Variants in JAKMIP1 observed in about 807,000 individuals in gnomAD.
JAKMIP1 encodes the protein janus kinase and microtubule-interacting protein 1.
JAKMIP1 carries 33 observed loss-of-function variants against 113.0 expected under a neutral mutation model. The observed-to-expected ratio is 0.29, with a 90% CI of 0.22 to 0.39. The LOEUF (loss-of-function observed/expected upper bound fraction) is 0.39. Ranked by LOEUF, JAKMIP1 falls within the 10% of genes least tolerant of loss-of-function variation. The pLI is 1.00. For missense variants in JAKMIP1, 813 were observed against 1,080.5 expected (o/e 0.75, Z 3.47); for synonymous variants, 480 against 459.9 (o/e 1.04, Z -0.56).
chr4:6,069,791 A>G lies in JAKMIP1; in HGVS notation c.1303-4783T>C, dbSNP rs1382248905. Among the ~76,000 whole-genome samples, 1 of 151,962 alleles carries G rather than the reference A, an allele frequency of 6.6e-6. No individual in the cohort carries two copies. The highest frequency in any genetic ancestry group is 1.5e-5 in the Non-Finnish European group (1 of 68,014). ...AAAAGATTCAGTTTTGGCAAAATGA[A>G]TGAAGAGTAAACATGTCTCCTCCAT... On this transcript the variant is annotated intron_variant, in intron 8 of 20. Coordinates refer to ENST00000409021, the MANE Select transcript of JAKMIP1 (RefSeq NM_001099433.2). The surrounding 1 kb of genome is among the most constrained non-coding windows in gnomAD (Gnocchi z 4.5).
rs147300079 is a variant in JAKMIP1, at chr4:6,113,507, C to T, written c.-147-510G>A. 2.6e-3 allele frequency among the ~76,000 whole-genome samples: 401 copies of T among 152,306 alleles called. 1 individual carries two copies. Among genetic ancestry groups the T allele is most frequent in the African/African-American group, 9.0e-3 (375 of 41,578 alleles). On this transcript the variant is annotated intron_variant, in intron 1 of 20. Coordinates refer to ENST00000409021, the MANE Select transcript of JAKMIP1 (RefSeq NM_001099433.2). ...ACCACACTTAGAGAAATGGACTTTTCGATTTCAGAGGTTAGTGGTTTCCTT... is the reference window on the plus strand; with the variant it reads ...ACCACACTTAGAGAAATGGACTTTTTGATTTCAGAGGTTAGTGGTTTCCTT...
rs1717143019 is a variant in JAKMIP1, at chr4:6,060,650, T to C, written c.1561-143A>G. 7 of 674,204 alleles carry C rather than the reference T, an allele frequency of 1.0e-5. No individual in the cohort carries two copies. In the Admixed American group the frequency reaches 1.5e-4, roughly 15 times the overall value. 41.8% of individuals were successfully genotyped at this position (674,204 alleles called of 1,614,324 possible). A position where few individuals can be genotyped will look rare whatever the true frequency, so the allele number is the denominator to read the frequency against. On this transcript the variant is annotated intron_variant, in intron 10 of 20. Transcript: ENST00000409021. The stretch of plus-strand genomic sequence containing the variant: ...CAGGTTCACTTTTAGGAGCACGTAT[T>C]CAACCTTGGCCTACTAGAAGCATGG...
intron 1 of JAKMIP1, among the ~76,000 whole-genome samples, chr4:6,190,219 C>T (rs2109057593): frequency 1.3e-5 from 2 of 152,134 alleles, no homozygotes; most frequent in Admixed American, 1.3e-4. Context: ...GGCTGCAATG[C>T]CAGGCTAAAT....
At chr4:6,111,764 T>C (rs1298541825) in intron 2 of JAKMIP1, among the ~76,000 whole-genome samples, 1 of 152,070 alleles carries the variant, frequency 6.6e-6, no homozygotes, top group East Asian at 1.9e-4. Context: ...GCTCCAAAGC[T>C]CAAATCTGCC....
intron 1 of JAKMIP1, among the ~76,000 whole-genome samples, chr4:6,163,563 T>C (rs1220343600): frequency 6.6e-6 from 1 of 152,174 alleles, no homozygotes; most frequent in African/African-American, 2.4e-5. Context: ...AACCCTACAA[T>C]AGCCTCTAAG....
intron 3 of JAKMIP1, 94 bp from the exon 4 acceptor site, chr4:6,085,723 A>G: frequency 8.6e-7 from 1 of 1,161,488 alleles, no homozygotes; most frequent in South Asian, 1.3e-5. Context: ...GGAAAGGTCA[A>G]AGCAGTGTCT....
intron 13 of JAKMIP1, among the ~76,000 whole-genome samples, chr4:6,052,470 A>T (rs1442580365): frequency 6.6e-6 from 1 of 151,940 alleles, no homozygotes; most frequent in East Asian, 1.9e-4. Flanking sequence ...AACATGGCGA[A>T]ACCTGTGTCT....
At position 6,162,966 on chromosome 4, in the gene JAKMIP1, G is replaced by T. The variant is rs1330786514; in HGVS notation, c.-148+37287C>A. 6.6e-6 allele frequency among the ~76,000 whole-genome samples: 1 copy of T among 152,232 alleles called. No homozygotes were observed. The highest frequency in any genetic ancestry group is 1.5e-5 in the Non-Finnish European group (1 of 68,044). On this transcript the variant is annotated intron_variant, in intron 1 of 20. Transcript: ENST00000409021. The surrounding 1 kb of genome is among the most constrained non-coding windows in gnomAD (Gnocchi z 5.6). ...CATGTGAGGCCACAGCATCAGACAC[G>T]GGAAGATGCTGGGAACATCTGGTTC...
chr4:6,040,000 A>G (rs1714106411), intron 18 of JAKMIP1, among the ~76,000 whole-genome samples: 1 of 152,234 alleles, frequency 6.6e-6, no homozygotes, highest in South Asian at 2.1e-4. Flanking sequence ...AAGGAATGAC[A>G]TTGAACTCTA....
intron 20 of JAKMIP1, among the ~76,000 whole-genome samples, chr4:6,029,084 T>C (rs1054774609): frequency 2.6e-5 from 4 of 152,272 alleles, no homozygotes; most frequent in South Asian, 2.1e-4. Context: ...ACCAATGTCA[T>C]ATGGAGGGGC....
Position 6,044,121 on chromosome 4 carries a change from G to A in JAKMIP1, c.2029-1894C>T, listed in dbSNP as rs56806572. On this transcript the variant is annotated intron_variant, in intron 16 of 20. Transcript: ENST00000409021. This position sits in a 1 kb window ranked among gnomAD's most constrained non-coding sequence, Gnocchi z 4.4. ...AGCCTACCCTGCTTGAGTCCGTGGGGTCAGCTAACCTCCATGGTGCCCATG... is the reference window on the plus strand; with the variant it reads ...AGCCTACCCTGCTTGAGTCCGTGGGATCAGCTAACCTCCATGGTGCCCATG... Among the ~76,000 whole-genome samples the A allele has an allele frequency of 1.3e-5, 2 of 151,878 alleles. No homozygotes were observed. The highest frequency in any genetic ancestry group is 2.9e-5 in the Non-Finnish European group (2 of 67,994).
Position 6,154,048 on chromosome 4 carries a change from G to A in JAKMIP1, c.-147-41051C>T, listed in dbSNP as rs1267674439. On this transcript the variant is annotated intron_variant, in intron 1 of 20. Transcript: ENST00000409021. This position sits in a 1 kb window ranked among gnomAD's most constrained non-coding sequence, Gnocchi z 4.2. ...TGCTGAACCAGAGTGAGAGTTCAAGGCCATCTCTGCAGCCCCCAGACCATG... is the reference window on the plus strand; with the variant it reads ...TGCTGAACCAGAGTGAGAGTTCAAGACCATCTCTGCAGCCCCCAGACCATG... 6.6e-6 allele frequency among the ~76,000 whole-genome samples: 1 copy of A among 152,168 alleles called. No individual in the cohort carries two copies. Among genetic ancestry groups the A allele is most frequent in the Non-Finnish European group, 1.5e-5 (1 of 68,046 alleles).
chr4:6,151,786 T>G (rs542571903), intron 1 of JAKMIP1, among the ~76,000 whole-genome samples: 20 of 152,292 alleles, frequency 1.3e-4, no homozygotes, highest in African/African-American at 4.6e-4. Flanking sequence ...AGTGAGTCCT[T>G]CCACTTGTCT....
rs1295997155 is a variant in JAKMIP1 at position 6,184,024 on chromosome 4, T to C, written c.-148+16229A>G. ...TGAATTCATCAGAGCAACCTCACTG[T>C]CCTCACTGACTGACCTTATAACTGG... On this transcript the variant is annotated intron_variant, in intron 1 of 20. Coordinates refer to ENST00000409021, the MANE Select transcript of JAKMIP1 (RefSeq NM_001099433.2). This position sits in a 1 kb window ranked among gnomAD's most constrained non-coding sequence, Gnocchi z 4.5. Among the ~76,000 whole-genome samples, 1 of 152,266 alleles carries C rather than the reference T, an allele frequency of 6.6e-6. No individual in the cohort carries two copies. Among genetic ancestry groups the C allele is most frequent in the African/African-American group, 2.4e-5 (1 of 41,474 alleles).
chr4:6,078,894 G>A (rs539093656), intron 8 of JAKMIP1, 45 bp downstream of exon 8: 22 of 1,607,496 alleles, frequency 1.4e-5, no homozygotes, highest in South Asian at 3.3e-5. Flanking sequence ...CTGCAGATCC[G>A]TGACACAGCG....
At position 6,156,184 on chromosome 4, in the gene JAKMIP1, C is replaced by T. The variant is rs918897167; in HGVS notation, c.-147-43187G>A. 9.2e-5 allele frequency among the ~76,000 whole-genome samples: 14 copies of T among 152,230 alleles called. No homozygotes were observed. Among genetic ancestry groups the T allele is most frequent in the African/African-American group, 2.4e-4 (10 of 41,458 alleles). On this transcript the variant is annotated intron_variant, in intron 1 of 20. Coordinates refer to ENST00000409021, the MANE Select transcript of JAKMIP1 (RefSeq NM_001099433.2). This position sits in a 1 kb window ranked among gnomAD's most constrained non-coding sequence, Gnocchi z 5.0. Reference sequence around the variant, plus strand: ...GAACATCTTCTCACCGTACCACGCCCGGCACAGAGCCAGCCAGCCACGCGC... The same window carrying T: ...GAACATCTTCTCACCGTACCACGCCTGGCACAGAGCCAGCCAGCCACGCGC...
chr4:6,064,800 A>G lies in JAKMIP1; in HGVS notation c.1431+80T>C, dbSNP rs936695910. 4 of 1,587,854 alleles carry G rather than the reference A, an allele frequency of 2.5e-6. No homozygotes were observed. In the Admixed American group the frequency reaches 6.7e-5, roughly 27 times the overall value. ...TCAGAACTATAGGCAAGGGAGCGAA[A>G]CTTGCAACTATCAAAAGCAGGAGGT... is the stretch of plus-strand genomic sequence containing the variant. On this transcript the variant is annotated intron_variant, in intron 9 of 20. Transcript: ENST00000409021. This position sits in a 1 kb window ranked among gnomAD's most constrained non-coding sequence, Gnocchi z 4.3.
chr4:6,106,799 T>C lies in JAKMIP1; in HGVS notation c.130-832A>G, dbSNP rs1714038949. ...TGTTTCAAATATCACTCAACACACA[T>C]TCCACAGGAACGCCTGACAAGCCCT... is the stretch of plus-strand genomic sequence containing the variant. On this transcript the variant is annotated intron_variant, in intron 2 of 20. Coordinates refer to ENST00000409021, the MANE Select transcript of JAKMIP1 (RefSeq NM_001099433.2). The surrounding 1 kb of genome is among the most constrained non-coding windows in gnomAD (Gnocchi z 5.9). 6.6e-6 allele frequency among the ~76,000 whole-genome samples: 1 copy of C among 152,180 alleles called. No individual in the cohort carries two copies. Among genetic ancestry groups the C allele is most frequent in the Non-Finnish European group, 1.5e-5 (1 of 68,028 alleles).
Position 6,081,012 on chromosome 4 carries a change from C to CACACACACACACAA in JAKMIP1, c.1101+596_1101+597insTTGTGTGTGTGTGT, listed in dbSNP as rs1720448958. Among the ~76,000 whole-genome samples the CACACACACACACAA allele has an allele frequency of 6.6e-6, 1 of 151,928 alleles. No individual in the cohort carries two copies. The highest frequency in any genetic ancestry group is 6.6e-5 in the Admixed American group (1 of 15,242). Reference sequence around the variant, plus strand: ...ACACACACACACACACACACACACACACCTGCATCTGCTACAGTGCAGACA... The same window carrying CACACACACACACAA: ...ACACACACACACACACACACACACACACACACACACACAAACCTGCATCTGCTACAGTGCAGACA... On this transcript the variant is annotated intron_variant, in intron 6 of 20. Coordinates refer to ENST00000409021, the MANE Select transcript of JAKMIP1 (RefSeq NM_001099433.2). The surrounding 1 kb of genome is among the most constrained non-coding windows in gnomAD (Gnocchi z 4.6).
Sources: gnomAD v4.1 joint callset for allele counts (sites outside exome capture counted in the v4.1 genomes callset) on GRCh38, gnomAD v4.1.1 for gene constraint, Gnocchi (gnomAD v3.1) non-coding constraint, MANE v1.5 for transcripts, NCBI Gene and HGNC (gene_info 2026-07-23, HGNC 2026-07-21) for gene names.